DNAH5: variants seen among roughly 807,000 people sequenced by gnomAD.
The protein encoded by DNAH5 is dynein axonemal heavy chain 5, also known as axonemal beta dynein heavy chain 5.
In DNAH5, 372 loss-of-function variants were observed where a neutral mutation model predicts 518.2. The observed-to-expected ratio is 0.72, with a 90% confidence interval of 0.66 to 0.78. DNAH5 has a LOEUF of 0.78. DNAH5 is among the 30% of genes least tolerant of loss of function. The probability of loss-of-function intolerance (pLI) is 0.00; values close to 1 mark genes in which losing one functional copy is unlikely to be tolerated. For synonymous variants in DNAH5, 2,039 were observed against 2,025.9 expected (o/e 1.01, Z -0.17); for missense variants, 5,523 against 5,687.0 (o/e 0.97, Z 0.93).
intron 65 of DNAH5, among the ~76,000 whole-genome samples, chr5:13,739,416 T>A (rs1748077447): frequency 6.6e-6 from 1 of 152,158 alleles, no homozygotes; most frequent in African/African-American, 2.4e-5. Flanking sequence ...AGGTCCCTGC[T>A]TCTCCTTTGC....
chr5:13,996,460 G>A (rs975258655), intron 1 of DNAH5, among the ~76,000 whole-genome samples: 3 of 152,182 alleles, frequency 2.0e-5, no homozygotes, highest in African/African-American at 7.2e-5. Flanking sequence ...AGATGTGGGT[G>A]ATATTCAAGG....
At chr5:13,791,771 G>A (rs1757031296) in intron 50 of DNAH5, among the ~76,000 whole-genome samples, 1 of 151,926 alleles carries the variant, frequency 6.6e-6, no homozygotes, top group South Asian at 2.1e-4. Context: ...TTGTGTATAT[G>A]ATGTTCTTAA....
chr5:13,713,426 T>C (rs1464453476), intron 75 of DNAH5, among the ~76,000 whole-genome samples: 9 of 111,726 alleles, frequency 8.1e-5, no homozygotes, highest in African/African-American at 2.9e-4. Flanking sequence ...TATATATATA[T>C]ACATCGACAT....
intron 14 of DNAH5, chr5:13,900,677 T>C: frequency 2.0e-6 from 1 of 489,236 alleles, no homozygotes; most frequent in East Asian, 3.8e-5. Context: ...ACTGCAACAG[T>C]GGTGGCGTCT....
intron 66 of DNAH5, among the ~76,000 whole-genome samples, chr5:13,736,267 G>A (rs1034921915): frequency 2.6e-5 from 4 of 152,144 alleles, no homozygotes; most frequent in Non-Finnish European, 5.9e-5. Flanking sequence ...AGCAAGCGAG[G>A]TAGCCATTAG....
At chr5:13,733,829 C>A (rs1310134727) in intron 68 of DNAH5, among the ~76,000 whole-genome samples, 1 of 152,052 alleles carries the variant, frequency 6.6e-6, no homozygotes, top group Non-Finnish European at 1.5e-5. Context: ...CCTACTGTTC[C>A]CCTAGGGGTG....
chr5:13,810,694 C>T (rs1054214721), intron 44 of DNAH5, among the ~76,000 whole-genome samples: 4 of 151,344 alleles, frequency 2.6e-5, no homozygotes, highest in African/African-American at 9.7e-5. Flanking sequence ...GCGGAGCTTG[C>T]AGTGAGCCAA....
In DNAH5 at chr5:13,735,955, G is replaced by A. The variant is rs199500106; in HGVS notation, c.11456-23C>T. The A allele has an allele frequency of 1.5e-3, 2,321 of 1,569,842 alleles. 2 individuals carry two copies. The highest frequency in any genetic ancestry group is 1.9e-3 in the Non-Finnish European group (2,201 of 1,139,780). Reference sequence around the variant, plus strand: ...CCACTGGAAGACAAAGAGCAAGGTTGCATGTGCTACGAGAGAGGAAAATAA... The same window carrying A: ...CCACTGGAAGACAAAGAGCAAGGTTACATGTGCTACGAGAGAGGAAAATAA... On this transcript the variant is annotated intron_variant, in intron 66 of 78. Coordinates refer to ENST00000265104, the MANE Select transcript of DNAH5 (RefSeq NM_001369.3).
chr5:13,787,128 G>A (rs1257388877), intron 51 of DNAH5, among the ~76,000 whole-genome samples: 1 of 151,560 alleles, frequency 6.6e-6, no homozygotes, highest in Non-Finnish European at 1.5e-5. Flanking sequence ...GCTGAGGCAG[G>A]AGAATCGTCA....
chr5:13,911,266 A>G lies in DNAH5; in HGVS notation c.1644+120T>C, dbSNP rs1775955307. 10 of 771,944 alleles carry G rather than the reference A, an allele frequency of 1.3e-5. No homozygotes were observed. The East Asian group carries it at 2.3e-4, about 18-fold the overall frequency. The allele number at this position is 771,944 out of a possible 1,614,324, so 47.8% of individuals were successfully genotyped here. A position where few individuals can be genotyped will look rare whatever the true frequency, so the allele number is the denominator to read the frequency against. ...TCACGAAACACAGGCTGAGGTTGCT[A>G]TCGGTCACCTCCATGATGAAGATAC... On this transcript the variant is annotated intron_variant, in intron 12 of 78. Transcript: ENST00000265104.
rs1176344292 is a variant in DNAH5, at chr5:13,810,768, AC to A, written c.7408-509del. On this transcript the variant is annotated intron_variant, in intron 44 of 78. Coordinates refer to ENST00000265104, the MANE Select transcript of DNAH5 (RefSeq NM_001369.3). ...GACTCCATGTCAAAAAACAAAACAA[AC>A]AAACAAAAAAACAGGGTTTATCGCA... Among the ~76,000 whole-genome samples, 875 of 126,896 alleles carry A rather than the reference AC, an allele frequency of 6.9e-3. 15 individuals are homozygous for A. Among genetic ancestry groups the A allele is most frequent in the Middle Eastern group, 0.024 (6 of 250 alleles). The allele number at this position is 126,896 out of a possible 152,430, so 83.2% of individuals were successfully genotyped here.
chr5:13,802,348 G>A (rs947641863), intron 47 of DNAH5, among the ~76,000 whole-genome samples: 19 of 152,170 alleles, frequency 1.2e-4, no homozygotes, highest in African/African-American at 4.6e-4. Flanking sequence ...GCTCTTTTCT[G>A]AGCTAGAAGC....
chr5:13,965,981 C>T (rs1391641009), intron 1 of DNAH5, among the ~76,000 whole-genome samples: 1 of 151,180 alleles, frequency 6.6e-6, no homozygotes, highest in Non-Finnish European at 1.5e-5. Context: ...TATCCCTCAC[C>T]CCCCTCCCAT....
At chr5:13,992,281 A>C (rs1783609686) in intron 1 of DNAH5, among the ~76,000 whole-genome samples, 1 of 152,188 alleles carries the variant, frequency 6.6e-6, no homozygotes, top group African/African-American at 2.4e-5. Context: ...AATCCCACCA[A>C]GGCCTCAAAC....
Position 13,882,652 on chromosome 5 carries a change from G to C in DNAH5, c.3262+76C>G. On this transcript the variant is annotated intron_variant, in intron 21 of 78. Transcript: ENST00000265104. ...TGTAAAATAAATTGAGAATTACATG[G>C]AGGGGTTAAAAAACATTTAAGCTCA... 3.3e-5 allele frequency: 36 copies of C among 1,106,616 alleles called. No individual in the cohort carries two copies. In the South Asian group the frequency reaches 4.3e-4, roughly 13 times the overall value. 68.5% of individuals were successfully genotyped at this position (1,106,616 alleles called of 1,614,324 possible).
rs768853052 is a variant in DNAH5 at position 13,778,596 on chromosome 5, A to AAGAAAGAAAGAAAGAAAGAAAG, written c.8952-1242_8952-1241insCTTTCTTTCTTTCTTTCTTTCT. Among the ~76,000 whole-genome samples the AAGAAAGAAAGAAAGAAAGAAAG allele has an allele frequency of 2.6e-3, 270 of 102,168 alleles. 5 individuals are homozygous for AAGAAAGAAAGAAAGAAAGAAAG. The highest frequency in any genetic ancestry group is 3.5e-3 in the Non-Finnish European group (177 of 50,086). 67.0% of individuals were successfully genotyped at this position (102,168 alleles called of 152,430 possible). A position where few individuals can be genotyped will look rare whatever the true frequency, so the allele number is the denominator to read the frequency against. On this transcript the variant is annotated intron_variant, in intron 53 of 78. Coordinates refer to ENST00000265104, the MANE Select transcript of DNAH5 (RefSeq NM_001369.3). ...AAAGAAAGAAAGAAAGAAAGAAAGA[A>AAGAAAGAAAGAAAGAAAGAAAG]AGAGAGAGAGAAAGAAAAAGAAAGA...
At chr5:13,756,730 G>GTTT (rs1561185625) in intron 61 of DNAH5, among the ~76,000 whole-genome samples, 3 of 152,074 alleles carry the variant, frequency 2.0e-5, no homozygotes, top group Admixed American at 2.0e-4. Context: ...TCAGTTCAGG[G>GTTT]GTATGTGTAC....
intron 1 of DNAH5, among the ~76,000 whole-genome samples, chr5:13,967,363 A>T (rs1781594385): frequency 6.6e-6 from 1 of 152,136 alleles, no homozygotes; most frequent in African/African-American, 2.4e-5. Flanking sequence ...GTAAGGTGAG[A>T]GTTGAGGATC....
chr5:13,718,782 T>C, intron 72 of DNAH5, 100 bp downstream of exon 72: 1 of 993,432 alleles, frequency 1.0e-6, no homozygotes, highest in Non-Finnish European at 1.6e-6. Flanking sequence ...AGTAGTACTA[T>C]TTGCTATAAC....
Sources: gnomAD v4.1 joint callset for allele counts (sites outside exome capture counted in the v4.1 genomes callset) on GRCh38, gnomAD v4.1.1 for gene constraint, MANE v1.5 for transcripts, NCBI Gene and HGNC (gene_info 2026-07-23, HGNC 2026-07-21) for gene names.